The following TRANK1 variants were observed in gnomAD, a reference collection of about 807,000 sequenced individuals.
TRANK1 encodes tetratricopeptide repeat and ankyrin repeat containing 1.
A neutral mutation model predicts 266.0 loss-of-function variants in TRANK1; 198 were observed. The ratio of observed to expected loss-of-function variants is 0.74; its 90% confidence interval spans 0.66 to 0.84. The LOEUF (loss-of-function observed/expected upper bound fraction) is 0.84. Among genes scored for constraint, TRANK1 ranks in the 40% least tolerant of loss-of-function variants. TRANK1 has a pLI of 0.00. For missense variants in TRANK1, 3,326 were observed against 3,634.6 expected (o/e 0.92, Z 2.18); for synonymous variants, 1,396 against 1,384.1 (o/e 1.01, Z -0.19).
Position 36,939,334 on chromosome 3 carries a change from T to C in TRANK1, c.23+5453A>G, listed in dbSNP as rs555774806. On this transcript the variant is annotated intron_variant, in intron 1 of 23. Transcript: ENST00000645898. ...ACCTTTCTAGTATTCTCTAACACTA[T>C]GTGCCCACCATGTTTTAGCCACATG... 2.0e-5 allele frequency among the ~76,000 whole-genome samples: 3 copies of C among 152,054 alleles called. No individual in the cohort carries two copies. The East Asian group carries it at 5.8e-4, about 29-fold the overall frequency.
intron 22 of TRANK1, 143 bp downstream of exon 22, chr3:36,830,730 A>T: frequency 2.1e-6 from 2 of 956,744 alleles, no homozygotes; most frequent in East Asian, 2.7e-5. Context: ...ACTTGAGAAT[A>T]TATATTCCTC....
In TRANK1 at chr3:36,834,021, G is replaced by T. The variant is rs1223986159; in HGVS notation, c.5664-102C>A. ...AGCAACTTAAATAAAACTCCCACAT[G>T]TAGATATTACAAAATAAAACCTAAA... On this transcript the variant is annotated intron_variant, in intron 21 of 23. Transcript: ENST00000645898. The T allele has an allele frequency of 1.1e-5, 13 of 1,181,620 alleles. No homozygotes were observed. The East Asian group carries it at 2.1e-4, about 19-fold the overall frequency. 73.2% of individuals were successfully genotyped at this position (1,181,620 alleles called of 1,614,324 possible). A position where few individuals can be genotyped will look rare whatever the true frequency, so the allele number is the denominator to read the frequency against.
Position 36,832,410 on chromosome 3 carries a change from T to C in TRANK1, c.7173A>G (p.Ala2391=). The C allele has an allele frequency of 6.2e-7, 1 of 1,614,000 alleles. No individual in the cohort carries two copies. The highest frequency in any genetic ancestry group is 1.1e-5 in the South Asian group (1 of 91,080). ...KGIEGKFGML[A]PNRDDENMDK... is the part of the protein sequence containing the mutation. ...CCATATTTTCATCATCCCTGTTGGG[T>C]GCCAGCATGCCAAATTTCCCTTCTA... Residue 2391 remains alanine, a synonymous_variant, in exon 22 of 24, where the codon GCA becomes GCG. Coordinates refer to ENST00000645898, the MANE Select transcript of TRANK1 (RefSeq NM_001329998.2).
intron 8 of TRANK1, among the ~76,000 whole-genome samples, chr3:36,877,864 T>G (rs2079412333): frequency 6.6e-6 from 1 of 152,224 alleles, no homozygotes; most frequent in Non-Finnish European, 1.5e-5. Flanking sequence ...TCACCAGTAT[T>G]TTAAATAATA....
In TRANK1 at chr3:36,879,890, A is replaced by AAATATT. The variant is rs2079482657; in HGVS notation, c.908-5595_908-5594insAATATT. 7.8e-5 allele frequency among the ~76,000 whole-genome samples: 7 copies of AAATATT among 89,892 alleles called. 2 individuals carry two copies. The highest frequency in any genetic ancestry group is 5.3e-4 in the Admixed American group (4 of 7,518). 59.0% of individuals were successfully genotyped at this position (89,892 alleles called of 152,430 possible). A position where few individuals can be genotyped will look rare whatever the true frequency, so the allele number is the denominator to read the frequency against. ...TGTAAACATACAAATATATGTAAAC[A>AAATATT]TGCAAATATATGTAAACATGCAAAT... On this transcript the variant is annotated intron_variant, in intron 8 of 23. Coordinates refer to ENST00000645898, the MANE Select transcript of TRANK1 (RefSeq NM_001329998.2).
chr3:36,937,254 C>A (rs952302016), intron 1 of TRANK1, among the ~76,000 whole-genome samples: 3 of 152,168 alleles, frequency 2.0e-5, no homozygotes, highest in African/African-American at 7.2e-5. Flanking sequence ...CAGTGTGCCA[C>A]AGGCTATTGT....
intron 1 of TRANK1, among the ~76,000 whole-genome samples, chr3:36,944,107 T>C (rs1281764610): frequency 1.3e-5 from 2 of 151,960 alleles, no homozygotes; most frequent in African/African-American, 2.4e-5. Context: ...GGCAACAGAC[T>C]CCGAGCTCCG....
Position 36,830,005 on chromosome 3 carries a change from T to C in TRANK1, c.8711-343A>G, listed in dbSNP as rs915587176. Among the ~76,000 whole-genome samples, 12 of 152,306 alleles carry C rather than the reference T, an allele frequency of 7.9e-5. No individual in the cohort carries two copies. In the South Asian group the frequency reaches 1.7e-3, roughly 21 times the overall value. On this transcript the variant is annotated intron_variant, in intron 22 of 23. Coordinates refer to ENST00000645898, the MANE Select transcript of TRANK1 (RefSeq NM_001329998.2). The stretch of plus-strand genomic sequence containing the variant: ...TATGCAATTTCACTAAGTTTATACA[T>C]AACTTCTACATAGTGTTGATAAGAA...
chr3:36,942,482 CAAAAAAAAAAAAA>C (rs565174922), intron 1 of TRANK1, among the ~76,000 whole-genome samples: 7 of 79,948 alleles, frequency 8.8e-5, no homozygotes, highest in African/African-American at 1.8e-4. Context: ...TCTTCTTCCT[CAAAAAAAAAAAAA>C]AAAAAAAAAA....
At chr3:36,862,661 G>T (rs78504832) in intron 10 of TRANK1, among the ~76,000 whole-genome samples, 2 of 152,180 alleles carry the variant, frequency 1.3e-5, no homozygotes, top group Non-Finnish European at 2.9e-5. Flanking sequence ...ATGATCCAAA[G>T]TGAAGCCTAG....
At chr3:36,917,040 T>G (rs2080136592) in intron 1 of TRANK1, among the ~76,000 whole-genome samples, 1 of 152,100 alleles carries the variant, frequency 6.6e-6, no homozygotes, top group South Asian at 2.1e-4. Flanking sequence ...GGTCTCGAAC[T>G]CCTGACCTCA....
rs777899235 is a variant in TRANK1 at position 36,855,379 on chromosome 3, G to A, written c.4343C>T (p.Ala1448Val). 1.9e-6 allele frequency: 3 copies of A among 1,614,024 alleles called. No individual in the cohort carries two copies. The highest frequency in any genetic ancestry group is 2.5e-6 in the Non-Finnish European group (3 of 1,179,878). ...GTCATTGATGCATTTCATCAGCAGC[G>A]CCAGCTCGGCCTGGGTAAAGTCTTG... is the stretch of plus-strand genomic sequence containing the variant. ...EIQDFTQAEL[A>V]LLMKCINDPN... The change falls in exon 13 of 24, where the codon GCG becomes GTG. Residue 1448 changes from alanine to valine, a missense_variant. Physicochemically the swap from Ala to Val is moderately conservative, Grantham distance 64. Coordinates refer to ENST00000645898, the MANE Select transcript of TRANK1 (RefSeq NM_001329998.2).
chr3:36,917,979 T>A (rs11923523), intron 1 of TRANK1, among the ~76,000 whole-genome samples: 15 of 151,988 alleles, frequency 9.9e-5, no homozygotes, highest in Non-Finnish European at 1.6e-4. Flanking sequence ...AATTGAGGGA[T>A]GGAGGAAAGG....
intron 2 of TRANK1, among the ~76,000 whole-genome samples, chr3:36,904,972 A>G (rs1168064624): frequency 6.6e-6 from 1 of 150,906 alleles, no homozygotes; most frequent in Non-Finnish European, 1.5e-5. Context: ...AACTTCCCCC[A>G]TCCCCAACTG....
intron 15 of TRANK1, chr3:36,850,470 T>G (rs2078971204): frequency 1.0e-6 from 1 of 985,418 alleles, no homozygotes; most frequent in Non-Finnish European, 1.2e-6. Context: ...CTAATCTCAG[T>G]GACCTTCTGC....
rs535402556 is a variant in TRANK1 at position 36,882,951 on chromosome 3, C to T, written c.907+6878G>A. ...GGAAGAACAATTCTCACCTATTGGACCAGAAAACCTTTTAAAATAAGACAA... is the reference window on the plus strand; with the variant it reads ...GGAAGAACAATTCTCACCTATTGGATCAGAAAACCTTTTAAAATAAGACAA... On this transcript the variant is annotated intron_variant, in intron 8 of 23. Coordinates refer to ENST00000645898, the MANE Select transcript of TRANK1 (RefSeq NM_001329998.2). Among the ~76,000 whole-genome samples the T allele has an allele frequency of 3.3e-5, 5 of 152,122 alleles. No individual in the cohort carries two copies. In the East Asian group the frequency reaches 9.6e-4, roughly 29 times the overall value.
At chr3:36,911,470 A>G (rs900595612) in intron 1 of TRANK1, among the ~76,000 whole-genome samples, 3 of 152,232 alleles carry the variant, frequency 2.0e-5, no homozygotes, top group Non-Finnish European at 4.4e-5. Context: ...AATACAAAAA[A>G]AAAACTCTTC....
intron 1 of TRANK1, among the ~76,000 whole-genome samples, chr3:36,944,222 A>C (rs1174344329): frequency 6.6e-6 from 1 of 152,130 alleles, no homozygotes; most frequent in African/African-American, 2.4e-5. Flanking sequence ...GCCCAGGCTG[A>C]TGGACCGTGC....
chr3:36,891,792 G>A (rs2125605336), intron 7 of TRANK1, among the ~76,000 whole-genome samples: 1 of 152,346 alleles, frequency 6.6e-6, no homozygotes, highest in African/African-American at 2.4e-5. Context: ...ACTATGTTCT[G>A]TGTCCCACAA....
Sources: gnomAD v4.1 joint callset for allele counts (sites outside exome capture counted in the v4.1 genomes callset) on GRCh38, gnomAD v4.1.1 for gene constraint, MANE v1.5 for transcripts, NCBI Gene and HGNC (gene_info 2026-07-23, HGNC 2026-07-21) for gene names.